The following THAP4 variants were observed in gnomAD, a reference collection of about 807,000 sequenced individuals.
The protein encoded by THAP4 is THAP domain containing 4, also known as peroxynitrite isomerase THAP4.
In THAP4, 18 loss-of-function variants were observed where a neutral mutation model predicts 48.1. The ratio of observed to expected loss-of-function variants is 0.37; its 90% CI spans 0.26 to 0.56. THAP4 has a LOEUF of 0.56. Ranked by LOEUF, THAP4 falls within the 20% of genes least tolerant of loss-of-function variation. THAP4 has a pLI of 0.78. For synonymous variants in THAP4, 345 were observed against 324.9 expected, an observed-to-expected ratio of 1.06 and a Z score of -0.66; for missense variants, 656 against 774.9, an observed-to-expected ratio of 0.85 and a Z score of 1.82.
At chr2:241,602,564 G>T (rs988637115) in intron 4 of THAP4, among the ~76,000 whole-genome samples, 3 of 152,022 alleles carry the variant, frequency 2.0e-5, no homozygotes, top group Admixed American at 6.6e-5. Context: ...CGGGATTTCA[G>T]TATGTTGGCC....
upstream of THAP4, chr2:241,637,161 A>T: frequency 2.0e-6 from 2 of 985,342 alleles, no homozygotes; most frequent in Non-Finnish European, 2.4e-6. Context: ...GGCAAGATGG[A>T]GGCGCAGGCG....
chr2:241,609,092 A>G (rs2067228146), intron 2 of THAP4, among the ~76,000 whole-genome samples: 1 of 152,250 alleles, frequency 6.6e-6, no homozygotes, highest in African/African-American at 2.4e-5. Flanking sequence ...TCTGACTGCA[A>G]CCACAGGAAG....
chr2:241,590,649 C>T (rs76169090), intron 5 of THAP4, among the ~76,000 whole-genome samples: 811 of 3,942 alleles, frequency 0.21, no homozygotes, highest in Middle Eastern at 0.43. Context: ...GCCCGGCTGA[C>T]GATGATGGGC....
Position 241,601,781 on chromosome 2 carries a change from G to A in THAP4, c.1614+115C>T. On this transcript the variant is annotated intron_variant, in intron 5 of 5. Coordinates refer to ENST00000407315, the MANE Select transcript of THAP4 (RefSeq NM_015963.6). The surrounding 1 kb of genome is among the most constrained non-coding windows in gnomAD (Gnocchi z 4.0). Reference sequence around the variant, plus strand: ...GGAAAAGAAGGAGACAGTGAAGACAGGCCTGTGAGACACAGTGGCAAGACA... The same window carrying A: ...GGAAAAGAAGGAGACAGTGAAGACAAGCCTGTGAGACACAGTGGCAAGACA... 6.5e-7 allele frequency: 1 copy of A among 1,540,934 alleles called. No individual in the cohort carries two copies. The highest frequency in any genetic ancestry group is 1.2e-5 in the South Asian group (1 of 84,122).
rs1333672197 is a variant in THAP4 at position 241,633,713 on chromosome 2, A to G, written c.444T>C (p.Ala148=). The change falls in exon 2 of 6, where the codon GCT becomes GCC. Residue 148 remains alanine, a synonymous_variant. Coordinates refer to ENST00000407315, the MANE Select transcript of THAP4 (RefSeq NM_015963.6). The surrounding 1 kb of genome is among the most constrained non-coding windows in gnomAD (Gnocchi z 7.5). ...KPESRRLKQA[A]LQGEATPRAA... is the part of the protein sequence containing the mutation. ...CCCTGGGTGTGGCTTCACCTTGCAGAGCAGCTTGCTTCAACCTGCGGGACT... is the reference window on the plus strand; with the variant it reads ...CCCTGGGTGTGGCTTCACCTTGCAGGGCAGCTTGCTTCAACCTGCGGGACT... 1 of 1,611,720 alleles carries G rather than the reference A, an allele frequency of 6.2e-7. No individual in the cohort carries two copies. The highest frequency in any genetic ancestry group is 8.5e-7 in the Non-Finnish European group (1 of 1,179,234).
chr2:241,606,986 G>A (rs2067192568), intron 2 of THAP4, among the ~76,000 whole-genome samples: 1 of 152,148 alleles, frequency 6.6e-6, no homozygotes, highest in Non-Finnish European at 1.5e-5. Context: ...GCATCAGGGA[G>A]AAAATGAAAG....
chr2:241,605,703 T>C lies in THAP4; in HGVS notation c.1400+611A>G, dbSNP rs776696362. On this transcript the variant is annotated intron_variant, in intron 3 of 5. Transcript: ENST00000407315. ...ACATGCACTATTATTTTCAGTAATA[T>C]TGGGTGACTAATTTTTTTCTTTTTT... is the stretch of plus-strand genomic sequence containing the variant. 6.3e-4 allele frequency among the ~76,000 whole-genome samples: 96 copies of C among 151,892 alleles called. 1 individual carries two copies. Among genetic ancestry groups the C allele is most frequent in the Middle Eastern group, 6.8e-3 (2 of 294 alleles).
At chr2:241,584,926 C>T (rs1371133068) in intron 5 of THAP4, 1 of 621,252 alleles carries the variant, frequency 1.6e-6, no homozygotes, top group Non-Finnish European at 2.9e-6. Context: ...AGAAGACCAC[C>T]AGGGGAACAC....
At chr2:241,624,355 C>T (rs1252497569) in intron 2 of THAP4, among the ~76,000 whole-genome samples, 3 of 151,970 alleles carry the variant, frequency 2.0e-5, no homozygotes, top group African/African-American at 7.3e-5. Context: ...GGTGTGGTGG[C>T]GCGTGCCTGT....
chr2:241,628,732 T>A (rs1232410348), intron 2 of THAP4, among the ~76,000 whole-genome samples: 1 of 135,522 alleles, frequency 7.4e-6, no homozygotes. Flanking sequence ...AAACCCCATC[T>A]CTACAAAAAA....
At chr2:241,626,125 G>T (rs1426245125) in intron 2 of THAP4, among the ~76,000 whole-genome samples, 1 of 152,134 alleles carries the variant, frequency 6.6e-6, no homozygotes, top group Non-Finnish European at 1.5e-5. Context: ...GGAATAAATG[G>T]GAATTCTGTC....
At chr2:241,607,548 C>T (rs867703277) in intron 2 of THAP4, among the ~76,000 whole-genome samples, 2 of 151,472 alleles carry the variant, frequency 1.3e-5, no homozygotes, top group South Asian at 2.1e-4. Flanking sequence ...ATTGACAGAA[C>T]GGACACTGAC....
chr2:241,617,436 G>A (rs540857217), intron 2 of THAP4: 16 of 1,551,422 alleles, frequency 1.0e-5, no homozygotes, highest in Admixed American at 5.9e-5. Flanking sequence ...TCTAAACTCC[G>A]GACACTCGTC....
At position 241,584,728 on chromosome 2, in the gene THAP4, GAGC is replaced by G. The variant is rs758986267; in HGVS notation, c.1615-6_1615-4del. 1 of 1,614,196 alleles carries G rather than the reference GAGC, an allele frequency of 6.2e-7. No homozygotes were observed. Among genetic ancestry groups the G allele is most frequent in the Non-Finnish European group, 8.5e-7 (1 of 1,180,024 alleles). On this transcript the variant is annotated splice_polypyrimidine_tract_variant and splice_region_variant and intron_variant, in intron 5 of 5. Transcript: ENST00000407315. ...TTCAGCCTGAACTTCCGGGTGATCT[GAGC>G]AGGAGAATGGAACAAAGATAGCTTA...
chr2:241,601,991 C>T lies in THAP4; in HGVS notation c.1519G>A (p.Glu507Lys). ...FVSAQNTGVV[E>K]VEEGEVNGQE... ...CCGTTCACCTCGCCCTCCTCCACTT[C>T]CACCACGCCTGCAAGGGAAGGGCAG... Residue 507 changes from glutamate to lysine, a missense_variant, in exon 5 of 6, where the codon GAA becomes AAA. By Grantham distance (56) the Glu-to-Lys change is moderately conservative. Coordinates refer to ENST00000407315, the MANE Select transcript of THAP4 (RefSeq NM_015963.6). This position sits in a 1 kb window ranked among gnomAD's most constrained non-coding sequence, Gnocchi z 4.0. 1 of 1,611,570 alleles carries T rather than the reference C, an allele frequency of 6.2e-7. No homozygotes were observed. The highest frequency in any genetic ancestry group is 8.5e-7 in the Non-Finnish European group (1 of 1,179,624).
chr2:241,603,715 A>C (rs557697867), intron 3 of THAP4, among the ~76,000 whole-genome samples: 1 of 152,350 alleles, frequency 6.6e-6, no homozygotes, highest in South Asian at 2.1e-4. Flanking sequence ...GCTCTTGTGT[A>C]AGAATCTAAT....
At chr2:241,600,985 A>C (rs2125075477) in intron 5 of THAP4, among the ~76,000 whole-genome samples, 1 of 152,108 alleles carries the variant, frequency 6.6e-6, no homozygotes, top group South Asian at 2.1e-4. Flanking sequence ...TAAAAAAAAA[A>C]AAGGACAATC....
chr2:241,590,641 C>T (rs62192983), intron 5 of THAP4, among the ~76,000 whole-genome samples: 351 of 3,246 alleles, frequency 0.11, 1 homozygote, highest in Middle Eastern at 0.45. Flanking sequence ...GCAGAGCTGC[C>T]CGGCTGACGA....
At chr2:241,634,102 T>C in intron 1 of THAP4, 23 bp from the exon 2 acceptor site, 1 of 1,470,556 alleles carries the variant, frequency 6.8e-7, no homozygotes, top group Non-Finnish European at 9.1e-7. Context: ...TGACAAAAAG[T>C]AATTAGAAAT....
Sources: allele counts gnomAD v4.1 joint callset (sites outside exome capture counted in the v4.1 genomes callset), GRCh38; gene constraint gnomAD v4.1.1; non-coding constraint Gnocchi (gnomAD v3.1); transcripts MANE v1.5; gene names NCBI Gene and HGNC (gene_info 2026-07-23, HGNC 2026-07-21).